The following CD53 variants were observed in gnomAD, a reference collection of about 807,000 sequenced individuals.
CD53 encodes the protein CD53 molecule, also known as leukocyte surface antigen CD53.
Under a neutral mutation model 27.3 loss-of-function variants are expected in CD53, and 20 were observed. The observed-to-expected ratio is 0.73, with a 90% CI of 0.52 to 1.07. The LOEUF is 1.07. Ranked by LOEUF, CD53 falls within the 50% of genes least tolerant of loss-of-function variation. The pLI, the probability that CD53 is intolerant of heterozygous loss-of-function variation, is 0.00. For synonymous variants in CD53, 106 were observed against 105.3 expected (o/e 1.01, Z -0.04); for missense variants, 216 against 264.0 (o/e 0.82, Z 1.26).
rs1473460224 is a variant in CD53 at position 110,899,189 on chromosome 1, G to A, written c.654G>A (p.Gly218=). The A allele has an allele frequency of 1.2e-6, 2 of 1,609,400 alleles. No individual in the cohort carries two copies. Among genetic ancestry groups the A allele is most frequent in the Admixed American group, 1.7e-5 (1 of 59,982 alleles). ...CQIDKTSQTI[G]L is the part of the protein sequence containing the mutation. ...TTGACAAAACCAGCCAGACCATAGG[G>A]CTATGATCTGCAGTAGTCCTGTGGT... The change falls in exon 8 of 8, where the codon GGG becomes GGA. Residue 218 remains glycine (G), a synonymous_variant. Transcript: ENST00000271324.
At chr1:110,887,667 A>G (rs1055496996) in intron 1 of CD53, among the ~76,000 whole-genome samples, 4 of 152,124 alleles carry the variant, frequency 2.6e-5, no homozygotes, top group Non-Finnish European at 5.9e-5. Context: ...GTTCCCTATT[A>G]CTGAGGCTAC....
At chr1:110,888,390 C>T (rs535282029) in intron 1 of CD53, among the ~76,000 whole-genome samples, 6 of 152,342 alleles carry the variant, frequency 3.9e-5, no homozygotes, top group African/African-American at 1.4e-4. Context: ...CAGGCTCTCC[C>T]TCTATGCTCC....
At chr1:110,897,929 A>C in intron 7 of CD53, 37 bp downstream of exon 7, 2 of 1,205,466 alleles carry the variant, frequency 1.7e-6, no homozygotes, top group Non-Finnish European at 2.4e-6. Flanking sequence ...TGAGGATTAC[A>C]TGAGTTAAGT....
intron 1 of CD53, among the ~76,000 whole-genome samples, chr1:110,873,523 CTG>C (rs1351814546): frequency 3.3e-5 from 5 of 152,164 alleles, no homozygotes; most frequent in Non-Finnish European, 7.3e-5. Context: ...TTGAATTACT[CTG>C]TGTAGTAATT....
chr1:110,897,067 G>C (rs1034435163), intron 6 of CD53, among the ~76,000 whole-genome samples: 2 of 152,168 alleles, frequency 1.3e-5, no homozygotes, highest in Non-Finnish European at 2.9e-5. Flanking sequence ...AAATGTATAG[G>C]GTTGAGATAG....
At position 110,889,274 on chromosome 1, in the gene CD53, T is replaced by C. The variant is rs113166721; in HGVS notation, c.-17-2118T>C. Among the ~76,000 whole-genome samples the C allele has an allele frequency of 4.0e-3, 601 of 152,040 alleles. 9 individuals carry two copies. Among genetic ancestry groups the C allele is most frequent in the African/African-American group, 0.014 (581 of 41,484 alleles). On this transcript the variant is annotated intron_variant, in intron 1 of 7. Transcript: ENST00000271324. Reference sequence around the variant, plus strand: ...GAGTAGTTCTTTAAGACTCAATAATTGGCCGGGTGTGGTGGCTCAAGCCTG... The same window carrying C: ...GAGTAGTTCTTTAAGACTCAATAATCGGCCGGGTGTGGTGGCTCAAGCCTG...
At chr1:110,893,410 C>T (rs1245622050) in intron 3 of CD53, among the ~76,000 whole-genome samples, 1 of 152,172 alleles carries the variant, frequency 6.6e-6, no homozygotes, top group Non-Finnish European at 1.5e-5. Flanking sequence ...ACAGCCTCCG[C>T]CTCCCGGGTT....
chr1:110,884,783 G>T (rs879567641), intron 1 of CD53, among the ~76,000 whole-genome samples: 1 of 151,740 alleles, frequency 6.6e-6, no homozygotes, highest in Non-Finnish European at 1.5e-5. Context: ...TTTTATTAGT[G>T]TTAGTATGGT....
At chr1:110,882,067 G>A (rs1333529501) in intron 1 of CD53, among the ~76,000 whole-genome samples, 11 of 152,082 alleles carry the variant, frequency 7.2e-5, no homozygotes, top group African/African-American at 2.4e-4. Flanking sequence ...TCTGTGCCTT[G>A]TCTTTTCATT....
At chr1:110,872,258 TCA>T (rs1166960986), upstream of CD53, among the ~76,000 whole-genome samples, 2 of 152,224 alleles carry the variant, frequency 1.3e-5, no homozygotes, top group African/African-American at 2.4e-5. Flanking sequence ...AATATATTGA[TCA>T]CAGTGTTTCT....
intron 4 of CD53, 58 bp downstream of exon 4, chr1:110,894,459 G>A: frequency 1.6e-6 from 2 of 1,282,850 alleles, no homozygotes; most frequent in Middle Eastern, 1.9e-4. Context: ...AGTATGCAGT[G>A]GAGAAGTTGG....
chr1:110,896,614 A>T, intron 5 of CD53, 39 bp from the exon 6 acceptor site: 2 of 1,589,408 alleles, frequency 1.3e-6, no homozygotes, highest in Non-Finnish European at 1.7e-6. Flanking sequence ...TTCACTGTTG[A>T]CTTTCTAACC....
chr1:110,897,222 T>C (rs957518761), intron 6 of CD53, among the ~76,000 whole-genome samples: 5 of 152,130 alleles, frequency 3.3e-5, no homozygotes, highest in Non-Finnish European at 7.4e-5. Context: ...CCTGTCCAAT[T>C]AATTTGGACC....
Position 110,899,235 on chromosome 1 carries a change from C to A in CD53, c.*40C>A. 1.4e-6 allele frequency: 2 copies of A among 1,451,228 alleles called. No individual in the cohort carries two copies. The highest frequency in any genetic ancestry group is 1.4e-5 in the African/African-American group (1 of 72,474). The allele number at this position is 1,451,228 out of a possible 1,614,324, so 89.9% of individuals were successfully genotyped here. A position where few individuals can be genotyped will look rare whatever the true frequency, so the allele number is the denominator to read the frequency against. ...GTGGTGAAGAGACTTGTTTCATCTCCGGAAATGCAAAACCATTTATAGCAT... is the reference window on the plus strand; with the variant it reads ...GTGGTGAAGAGACTTGTTTCATCTCAGGAAATGCAAAACCATTTATAGCAT... On this transcript the variant is annotated 3_prime_UTR_variant, in exon 8 of 8. Transcript: ENST00000271324.
rs1285838297 is a variant in CD53, at chr1:110,899,922, A to G, written c.*727A>G. 1 of 152,630 alleles carries G rather than the reference A, an allele frequency of 6.6e-6. No individual in the cohort carries two copies. Among genetic ancestry groups the G allele is most frequent in the African/African-American group, 2.4e-5 (1 of 41,430 alleles). The allele number at this position is 152,630 out of a possible 1,614,324, so 9.5% of individuals were successfully genotyped here. A position where few individuals can be genotyped will look rare whatever the true frequency, so the allele number is the denominator to read the frequency against. On this transcript the variant is annotated 3_prime_UTR_variant, in exon 8 of 8. Coordinates refer to ENST00000271324, the MANE Select transcript of CD53 (RefSeq NM_000560.4). ...CAATAAATAAAAGTTTATTATCTCA[A>G]TCACAACATTGCTATATATCAAACA...
chr1:110,881,483 A>G (rs1381881637), intron 1 of CD53, among the ~76,000 whole-genome samples: 1 of 152,110 alleles, frequency 6.6e-6, no homozygotes, highest in East Asian at 1.9e-4. Context: ...TTATACCACT[A>G]TTTATTTATA....
intron 1 of CD53, among the ~76,000 whole-genome samples, chr1:110,886,869 A>ATATATATATATATATATTTTTT (rs1298376721): frequency 1.2e-4 from 10 of 82,782 alleles, no homozygotes; most frequent in South Asian, 4.3e-4. Flanking sequence ...ATATATATAT[A>ATATATATATATATATATTTTTT]TTTTTTTTTT....
chr1:110,886,970 A>T (rs946672875), intron 1 of CD53, among the ~76,000 whole-genome samples: 6 of 150,726 alleles, frequency 4.0e-5, no homozygotes, highest in African/African-American at 1.5e-4. Flanking sequence ...CATTAATCCA[A>T]TCCAATGTAT....
chr1:110,882,416 A>T (rs534525765), intron 1 of CD53, among the ~76,000 whole-genome samples: 10 of 152,016 alleles, frequency 6.6e-5, no homozygotes, highest in Non-Finnish European at 1.5e-4. Context: ...TATGGACTCT[A>T]TTCTGTTCTC....
Sources: gnomAD v4.1 joint callset for allele counts (sites outside exome capture counted in the v4.1 genomes callset) on GRCh38, gnomAD v4.1.1 for gene constraint, MANE v1.5 for transcripts, NCBI Gene and HGNC (gene_info 2026-07-23, HGNC 2026-07-21) for gene names.